The following DNMT3A variants were observed in gnomAD, a reference collection of about 807,000 sequenced individuals.
The protein encoded by DNMT3A is DNA (cytosine-5)-methyltransferase 3A.
DNMT3A carries 267 observed loss-of-function variants against 117.6 expected under a neutral mutation model. The ratio of observed to expected loss-of-function variants is 2.27; its 90% CI spans 2.05 to 2.51. DNMT3A has a LOEUF of 2.51. Among genes scored for constraint, DNMT3A ranks in the 30% most tolerant of loss-of-function variants. The probability of loss-of-function intolerance (pLI) is 0.00; values close to 1 mark genes in which losing one functional copy is unlikely to be tolerated. For synonymous variants in DNMT3A, 432 were observed against 474.8 expected, an observed-to-expected ratio of 0.91 and a Z score of 1.17; for missense variants, 1,029 against 1,260.2, an observed-to-expected ratio of 0.82 and a Z score of 2.78.
At chr2:25,299,920 G>A (rs891588760) in intron 3 of DNMT3A, among the ~76,000 whole-genome samples, 2 of 152,292 alleles carry the variant, frequency 1.3e-5, no homozygotes, top group South Asian at 4.2e-4. Flanking sequence ...AACAGAGTGA[G>A]ACTCCGTCTC....
intron 6 of DNMT3A, among the ~76,000 whole-genome samples, chr2:25,270,663 C>T (rs2030796879): frequency 6.6e-6 from 1 of 150,406 alleles, no homozygotes; most frequent in Non-Finnish European, 1.5e-5. Flanking sequence ...TCAACACTGG[C>T]AGAGGGTGGG....
rs1009447891 is a variant in DNMT3A, at chr2:25,321,517, T to C, written c.-177-7356A>G. ...AATTTAATCACATCTGCAAAGTCCCTTTTGCCATGTAAGGTGACATATTCA... is the reference window on the plus strand; with the variant it reads ...AATTTAATCACATCTGCAAAGTCCCCTTTGCCATGTAAGGTGACATATTCA... On this transcript the variant is annotated intron_variant, in intron 1 of 22. Transcript: ENST00000321117. Among the ~76,000 whole-genome samples, 8 of 152,210 alleles carry C rather than the reference T, an allele frequency of 5.3e-5. No individual in the cohort carries two copies. The South Asian group carries it at 1.2e-3, about 24-fold the overall frequency.
chr2:25,237,080 C>T lies in DNMT3A; in HGVS notation c.2409-75G>A. Reference sequence around the variant, plus strand: ...GAAGGGCCCCAGCTGCACGACTCCCCTCCCTCCCCCAGCAGCCACTAGTTC... The same window carrying T: ...GAAGGGCCCCAGCTGCACGACTCCCTTCCCTCCCCCAGCAGCCACTAGTTC... On this transcript the variant is annotated intron_variant, in intron 20 of 22. Coordinates refer to ENST00000321117, the MANE Select transcript of DNMT3A (RefSeq NM_022552.5). The surrounding 1 kb of genome is among the most constrained non-coding windows in gnomAD (Gnocchi z 5.4). 6.9e-7 allele frequency: 1 copy of T among 1,457,572 alleles called. No homozygotes were observed. Among genetic ancestry groups the T allele is most frequent in the Non-Finnish European group, 9.5e-7 (1 of 1,055,634 alleles). The allele number at this position is 1,457,572 out of a possible 1,614,324, so 90.3% of individuals were successfully genotyped here.
chr2:25,282,239 A>G lies in DNMT3A; in HGVS notation c.448+202T>C. The G allele has an allele frequency of 8.0e-7, 1 of 1,254,816 alleles. No individual in the cohort carries two copies. Among genetic ancestry groups the G allele is most frequent in the Non-Finnish European group, 1.0e-6 (1 of 998,548 alleles). 77.7% of individuals were successfully genotyped at this position (1,254,816 alleles called of 1,614,324 possible). A position where few individuals can be genotyped will look rare whatever the true frequency, so the allele number is the denominator to read the frequency against. On this transcript the variant is annotated intron_variant, in intron 4 of 22. Coordinates refer to ENST00000321117, the MANE Select transcript of DNMT3A (RefSeq NM_022552.5). This position sits in a 1 kb window ranked among gnomAD's most constrained non-coding sequence, Gnocchi z 5.2. ...TAAATACTGGCAACTAATTTTTTAAATGTTTAAAACACTCTATGGGCCAAA... is the reference window on the plus strand; with the variant it reads ...TAAATACTGGCAACTAATTTTTTAAGTGTTTAAAACACTCTATGGGCCAAA...
Position 25,254,988 on chromosome 2 carries a change from A to G in DNMT3A, c.640-6736T>C, listed in dbSNP as rs1183434753. On this transcript the variant is annotated intron_variant, in intron 6 of 22. Coordinates refer to ENST00000321117, the MANE Select transcript of DNMT3A (RefSeq NM_022552.5). The surrounding 1 kb of genome is among the most constrained non-coding windows in gnomAD (Gnocchi z 4.7). ...TTCCTTATTCTCATCCTTTAACATT[A>G]AAGTCAAATCCTACCTCTTCCACAC... 1.3e-5 allele frequency among the ~76,000 whole-genome samples: 2 copies of G among 152,184 alleles called. No individual in the cohort carries two copies. The highest frequency in any genetic ancestry group is 4.8e-5 in the African/African-American group (2 of 41,426).
rs778414705 is a variant in DNMT3A, at chr2:25,239,155, A to G, written c.2383T>C (p.Trp795Arg). 2 of 1,614,084 alleles carry G rather than the reference A, an allele frequency of 1.2e-6. No individual in the cohort carries two copies. Among genetic ancestry groups the G allele is most frequent in the Admixed American group, 1.7e-5 (1 of 60,022 alleles). ...VSAAHRARYF[W>R]GNLPGMNRPL... ...CTGTTCATACCGGGAAGGTTACCCC[A>G]GAAGTAGCGGGCCCTGTGTGCAGCT... The change falls in exon 20 of 23, where the codon TGG (tryptophan) becomes CGG (arginine). Residue 795 changes from tryptophan (W) to arginine (R), a missense_variant. Trp to Arg is a moderately radical substitution (Grantham distance 101, BLOSUM62 -3). Transcript: ENST00000321117.
chr2:25,322,459 C>A (rs941672369), intron 1 of DNMT3A, among the ~76,000 whole-genome samples: 3 of 152,000 alleles, frequency 2.0e-5, no homozygotes, highest in East Asian at 3.9e-4. Flanking sequence ...CTCCACCCCC[C>A]ACCCTCACGA....
In DNMT3A at chr2:25,322,861, C is replaced by A. The variant is rs559783314; in HGVS notation, c.-177-8700G>T. Among the ~76,000 whole-genome samples the A allele has an allele frequency of 2.6e-5, 4 of 152,238 alleles. No individual in the cohort carries two copies. In the South Asian group the frequency reaches 8.3e-4, roughly 32 times the overall value. ...ATCCTCACTCCACCAAACACGATCC[C>A]AATATTCTCACCCTAAGGGCCCCTT... On this transcript the variant is annotated intron_variant, in intron 1 of 22. Transcript: ENST00000321117.
chr2:25,241,796 C>G, intron 16 of DNMT3A, 89 bp from the exon 17 acceptor site: 1 of 1,538,156 alleles, frequency 6.5e-7, no homozygotes, highest in Non-Finnish European at 8.8e-7. Flanking sequence ...CAACAGGACC[C>G]ATGGGGTCAG....
At chr2:25,272,293 A>G (rs1332409135) in intron 6 of DNMT3A, among the ~76,000 whole-genome samples, 1 of 152,168 alleles carries the variant, frequency 6.6e-6, no homozygotes, top group Non-Finnish European at 1.5e-5. Context: ...AGCCCAAAAA[A>G]GTCTTTTTAA....
In DNMT3A at chr2:25,228,841, T is replaced by G. The variant is rs1268058909; in HGVS notation, c.*5438A>C. 1 of 152,138 alleles carries G rather than the reference T, an allele frequency of 6.6e-6. No homozygotes were observed. The highest frequency in any genetic ancestry group is 1.9e-4 in the East Asian group (1 of 5,194). The allele number at this position is 152,138 out of a possible 1,614,324, so 9.4% of individuals were successfully genotyped here. On this transcript the variant is annotated 3_prime_UTR_variant, in exon 23 of 23. Coordinates refer to ENST00000321117, the MANE Select transcript of DNMT3A (RefSeq NM_022552.5). ...AAGTGAAATGGGACTAGGGGATGCT[T>G]TAGACCGCTGCTCATGTTCTCAGGC...
intron 1 of DNMT3A, among the ~76,000 whole-genome samples, chr2:25,338,243 C>T (rs959689598): frequency 2.0e-5 from 3 of 152,232 alleles, no homozygotes; most frequent in Non-Finnish European, 2.9e-5. Flanking sequence ...CAAACAGTCC[C>T]GTACCCAGCA....
At chr2:25,313,477 C>T (rs1235448195) in intron 2 of DNMT3A, among the ~76,000 whole-genome samples, 1 of 152,242 alleles carries the variant, frequency 6.6e-6, no homozygotes, top group South Asian at 2.1e-4. Flanking sequence ...TGCCGTGCCC[C>T]ACCCCAGAAC....
At chr2:25,245,548 G>A (rs1674656053) in intron 12 of DNMT3A, among the ~76,000 whole-genome samples, 1 of 152,220 alleles carries the variant, frequency 6.6e-6, no homozygotes, top group Admixed American at 6.5e-5. Flanking sequence ...AAACAGGGAT[G>A]GAGTGACAGC....
chr2:25,253,799 C>T (rs1020290259), intron 6 of DNMT3A, among the ~76,000 whole-genome samples: 4 of 152,154 alleles, frequency 2.6e-5, no homozygotes, highest in African/African-American at 7.2e-5. Flanking sequence ...CTTGGCCGAG[C>T]GCGGTGGCTC....
intron 1 of DNMT3A, among the ~76,000 whole-genome samples, chr2:25,338,553 C>T (rs372403866): frequency 1.3e-5 from 2 of 152,308 alleles, no homozygotes; most frequent in African/African-American, 4.8e-5. Flanking sequence ...TAACCTGCCT[C>T]GCTGCCTCGG....
At position 25,234,202 on chromosome 2, in the gene DNMT3A, T is replaced by C; in HGVS notation, c.*77A>G. 2.6e-6 allele frequency: 4 copies of C among 1,536,826 alleles called. No individual in the cohort carries two copies. On this transcript the variant is annotated 3_prime_UTR_variant, in exon 23 of 23. Coordinates refer to ENST00000321117, the MANE Select transcript of DNMT3A (RefSeq NM_022552.5). This position sits in a 1 kb window ranked among gnomAD's most constrained non-coding sequence, Gnocchi z 4.5. Reference sequence around the variant, plus strand: ...ATACTTCTCTCCATCCTCATGTTCTTGGTGTTTTATTATGTTTTGTGTTTT... The same window carrying C: ...ATACTTCTCTCCATCCTCATGTTCTCGGTGTTTTATTATGTTTTGTGTTTT...
At chr2:25,335,803 G>A (rs1200595890) in intron 1 of DNMT3A, among the ~76,000 whole-genome samples, 2 of 152,182 alleles carry the variant, frequency 1.3e-5, no homozygotes, top group Non-Finnish European at 2.9e-5. Context: ...CAGAAGCAGA[G>A]AGGAAAGATC....
At chr2:25,301,516 C>T (rs2033514149) in intron 2 of DNMT3A, among the ~76,000 whole-genome samples, 1 of 152,130 alleles carries the variant, frequency 6.6e-6, no homozygotes, top group Admixed American at 6.5e-5. Context: ...TTACTCCCCG[C>T]CCCTCACATA....
Sources: allele counts gnomAD v4.1 joint callset (sites outside exome capture counted in the v4.1 genomes callset), GRCh38; gene constraint gnomAD v4.1.1; non-coding constraint Gnocchi (gnomAD v3.1); transcripts MANE v1.5; gene names NCBI Gene and HGNC (gene_info 2026-07-23, HGNC 2026-07-21).